TTC27: variants seen among roughly 807,000 people sequenced by gnomAD.
TTC27 encodes tetratricopeptide repeat protein 27.
Under a neutral mutation model 115.9 loss-of-function variants are expected in TTC27, and 79 were observed. The ratio of observed to expected loss-of-function variants is 0.68; its 90% CI spans 0.57 to 0.82. TTC27 has a LOEUF of 0.82. Among genes scored for constraint, TTC27 ranks in the 40% least tolerant of loss-of-function variants. TTC27 has a pLI of 0.00. For synonymous variants in TTC27, 401 were observed against 356.0 expected, an observed-to-expected ratio of 1.13 and a Z score of -1.42; for missense variants, 1,054 against 993.1, an observed-to-expected ratio of 1.06 and a Z score of -0.82.
At chr2:32,628,486 T>C in intron 1 of TTC27, 106 bp downstream of exon 1, 1 of 1,138,862 alleles carries the variant, frequency 8.8e-7, no homozygotes, top group Non-Finnish European at 1.2e-6. Flanking sequence ...TAACACAGTC[T>C]AGCTGATTCC....
At chr2:32,807,928 CTTTTTTTTTTTT>C (rs70938367) in intron 16 of TTC27, among the ~76,000 whole-genome samples, 6 of 109,682 alleles carry the variant, frequency 5.5e-5, no homozygotes, top group African/African-American at 2.2e-4. Flanking sequence ...TACTTGCCCT[CTTTTTTTTTTTT>C]TTTTTTTTTG....
chr2:32,689,532 GT>G lies in TTC27; in HGVS notation c.1119+10613del, dbSNP rs146331155. On this transcript the variant is annotated intron_variant, in intron 9 of 19. Transcript: ENST00000317907. The stretch of plus-strand genomic sequence containing the variant: ...GCTTAGTGTTCACATTCGTTATGAA[GT>G]TTACTGCTTTTCTGAAGCAAAATCA... Among the ~76,000 whole-genome samples, 1,432 of 152,196 alleles carry G rather than the reference GT, an allele frequency of 9.4e-3. 22 individuals carry two copies. Among genetic ancestry groups the G allele is most frequent in the African/African-American group, 0.033 (1,364 of 41,546 alleles).
At chr2:32,815,060 T>G (rs1417517021) in intron 18 of TTC27, among the ~76,000 whole-genome samples, 11 of 152,126 alleles carry the variant, frequency 7.2e-5, no homozygotes, top group Non-Finnish European at 1.5e-4. Context: ...CATTGTGTGC[T>G]CATTTGTATT....
chr2:32,807,382 G>T (rs1301750619), intron 16 of TTC27, among the ~76,000 whole-genome samples: 1 of 151,894 alleles, frequency 6.6e-6, no homozygotes, highest in Non-Finnish European at 1.5e-5. Flanking sequence ...TCTGCTACTT[G>T]CACATTTCCA....
chr2:32,648,611 AT>A (rs1042540896), intron 4 of TTC27, among the ~76,000 whole-genome samples: 11 of 151,306 alleles, frequency 7.3e-5, no homozygotes, highest in African/African-American at 2.7e-4. Context: ...CCTTGTTTTT[AT>A]TTTTTTTAAG....
chr2:32,639,127 C>A (rs143590447), intron 3 of TTC27, among the ~76,000 whole-genome samples: 1 of 152,260 alleles, frequency 6.6e-6, no homozygotes, highest in East Asian at 1.9e-4. Context: ...CCACCGTGCC[C>A]GGCCCAGTTA....
intron 13 of TTC27, among the ~76,000 whole-genome samples, chr2:32,760,573 A>G (rs188316676): frequency 2.0e-5 from 3 of 151,674 alleles, no homozygotes; most frequent in African/African-American, 7.2e-5. Flanking sequence ...TTATCACTCT[A>G]TTTTTTTTGG....
rs532647233 is a variant in TTC27, at chr2:32,755,033, C to T, written c.1453-3259C>T. Among the ~76,000 whole-genome samples, 19 of 151,112 alleles carry T rather than the reference C, an allele frequency of 1.3e-4. No homozygotes were observed. In the East Asian group the frequency reaches 1.6e-3, roughly 12 times the overall value. On this transcript the variant is annotated intron_variant, in intron 12 of 19. Transcript: ENST00000317907. ...CTCACTTCTCAGATGGGGCGGCTGC[C>T]GGGTGGAGGGTCTCCACACTTCTCA...
chr2:32,705,260 A>G (rs1667327253), intron 10 of TTC27, among the ~76,000 whole-genome samples: 2 of 152,136 alleles, frequency 1.3e-5, no homozygotes, highest in Admixed American at 1.3e-4. Context: ...CATGACTATA[A>G]GCTTCCTGAG....
chr2:32,786,628 C>G (rs1670357343), intron 15 of TTC27, among the ~76,000 whole-genome samples: 4 of 152,152 alleles, frequency 2.6e-5, no homozygotes, highest in Admixed American at 2.6e-4. Flanking sequence ...TTTTGTCTTA[C>G]AGGTTTGCAA....
intron 3 of TTC27, among the ~76,000 whole-genome samples, chr2:32,636,375 G>C (rs368995089): frequency 1.1e-3 from 164 of 152,132 alleles, no homozygotes; most frequent in African/African-American, 3.7e-3. Flanking sequence ...CACCACGCCC[G>C]GCTAATTTTT....
chr2:32,777,180 G>T (rs982379629), intron 13 of TTC27, among the ~76,000 whole-genome samples: 1 of 152,220 alleles, frequency 6.6e-6, no homozygotes, highest in African/African-American at 2.4e-5. Flanking sequence ...TCTTGGTTAA[G>T]CTGCAGAAGT....
At chr2:32,729,178 G>C (rs116098760) in intron 10 of TTC27, among the ~76,000 whole-genome samples, 3 of 152,182 alleles carry the variant, frequency 2.0e-5, no homozygotes, top group African/African-American at 7.2e-5. Flanking sequence ...GAAAAGGGTA[G>C]GTCCTTTGGG....
At chr2:32,720,656 A>T (rs1326199582) in intron 10 of TTC27, among the ~76,000 whole-genome samples, 3 of 152,206 alleles carry the variant, frequency 2.0e-5, no homozygotes, top group Non-Finnish European at 4.4e-5. Context: ...TGGGTTTCCT[A>T]AAAAATAGTG....
intron 16 of TTC27, among the ~76,000 whole-genome samples, chr2:32,790,735 CCT>C (rs982723407): frequency 3.3e-5 from 5 of 152,072 alleles, no homozygotes; most frequent in Non-Finnish European, 5.9e-5. Flanking sequence ...TCCACCCCAC[CCT>C]GACGCTAGTG....
intron 16 of TTC27, among the ~76,000 whole-genome samples, chr2:32,810,388 A>G (rs532802470): frequency 2.0e-5 from 3 of 152,322 alleles, no homozygotes; most frequent in Non-Finnish European, 4.4e-5. Flanking sequence ...AGGAATGTTG[A>G]AAACATTGGG....
chr2:32,715,541 C>A (rs780202754), intron 10 of TTC27, among the ~76,000 whole-genome samples: 1 of 152,046 alleles, frequency 6.6e-6, no homozygotes, highest in South Asian at 2.1e-4. Flanking sequence ...GTTCTCGATA[C>A]TGTGTAGTTG....
chr2:32,725,780 A>G (rs1280809855), intron 10 of TTC27, among the ~76,000 whole-genome samples: 1 of 152,186 alleles, frequency 6.6e-6, no homozygotes, highest in Non-Finnish European at 1.5e-5. Context: ...TCCCTTCTGC[A>G]CTGCCCTAGC....
chr2:32,742,515 A>G (rs1335538724), intron 12 of TTC27, among the ~76,000 whole-genome samples: 1 of 152,186 alleles, frequency 6.6e-6, no homozygotes, highest in Non-Finnish European at 1.5e-5. Flanking sequence ...TCCATGAGAG[A>G]GTAAGTAGGA....
Sources: allele counts gnomAD v4.1 joint callset (sites outside exome capture counted in the v4.1 genomes callset), GRCh38; gene constraint gnomAD v4.1.1; transcripts MANE v1.5; gene names NCBI Gene and HGNC (gene_info 2026-07-23, HGNC 2026-07-21).